Variants in GPAA1 observed in about 807,000 individuals in gnomAD.
The protein encoded by GPAA1 is GPI-anchor transamidase component GPAA1.
Under a neutral mutation model 64.0 loss-of-function variants are expected in GPAA1, and 54 were observed. The ratio of observed to expected loss-of-function variants is 0.84; its 90% CI spans 0.68 to 1.06. The LOEUF (loss-of-function observed/expected upper bound fraction) is 1.06. Among genes scored for constraint, GPAA1 ranks in the 50% least tolerant of loss-of-function variants. The pLI, the probability that GPAA1 is intolerant of heterozygous loss-of-function variation, is 0.00. For synonymous variants in GPAA1, 393 were observed against 377.3 expected, an observed-to-expected ratio of 1.04 and a Z score of -0.48; for missense variants, 780 against 822.3, an observed-to-expected ratio of 0.95 and a Z score of 0.63.
chr8:144,086,089 C>G lies in GPAA1; in HGVS notation c.1830C>G (p.Cys610Trp). 1 of 1,613,634 alleles carries G rather than the reference C, an allele frequency of 6.2e-7. No individual in the cohort carries two copies. The highest frequency in any genetic ancestry group is 1.1e-5 in the South Asian group (1 of 91,086). ...TGCTGTCCCTGGGCCTCTACCCCTG[C>G]TGGCTGCTTTTCTGGAATGTGCTCT... is the stretch of plus-strand genomic sequence containing the variant. Reference protein sequence around the residue: ...FPLLSLGLYPCWLLFWNVLFW... With the variant: ...FPLLSLGLYPWWLLFWNVLFW... Residue 610 changes from cysteine to tryptophan, a missense_variant, in exon 12 of 12, where the codon TGC becomes TGG. Physicochemically the swap from Cys to Trp is radical, Grantham distance 215. Coordinates refer to ENST00000355091, the MANE Select transcript of GPAA1 (RefSeq NM_003801.4).
In GPAA1 at chr8:144,084,622, TG is replaced by T. The variant is rs782079111; in HGVS notation, c.1010+15del. ...TGGCAGTGGGCAAGTAAGTAGTCTC[TG>T]GTCCCCCCTTTCCATGCCCAGGATG... On this transcript the variant is annotated intron_variant, in intron 7 of 11. Coordinates refer to ENST00000355091, the MANE Select transcript of GPAA1 (RefSeq NM_003801.4). 2.5e-6 allele frequency: 4 copies of T among 1,608,114 alleles called. No homozygotes were observed. Among genetic ancestry groups the T allele is most frequent in the Non-Finnish European group, 3.4e-6 (4 of 1,175,464 alleles).
chr8:144,083,323 G>A lies in GPAA1; in HGVS notation c.254+20G>A, dbSNP rs782658390. 6 of 1,610,356 alleles carry A rather than the reference G, an allele frequency of 3.7e-6. No individual in the cohort carries two copies. The highest frequency in any genetic ancestry group is 1.1e-5 in the South Asian group (1 of 90,960). ...GTCGGGGTGAGCGGCAGAGCAGGGC[G>A]TATGGGGCGAGCAGTGGTGGCTAAG... On this transcript the variant is annotated intron_variant, in intron 2 of 11. Coordinates refer to ENST00000355091, the MANE Select transcript of GPAA1 (RefSeq NM_003801.4).
chr8:144,085,321 G>A lies in GPAA1; in HGVS notation c.1293G>A (p.Leu431=), dbSNP rs781802187. ...GVGLASLVAP[L]LISQAMGLAL... is the part of the protein sequence containing the mutation. ...GGCTGGCCTCGCTCGTGGCACCTCT[G>A]CTGATCTCACAGGCCATGGGACTGG... Residue 431 remains leucine, a synonymous_variant, in exon 10 of 12, where the codon CTG becomes CTA. Transcript: ENST00000355091. The A allele has an allele frequency of 3.2e-5, 51 of 1,609,374 alleles. 2 individuals are homozygous for A. In the South Asian group the frequency reaches 4.2e-4, roughly 13 times the overall value.
rs369331503 is a variant in GPAA1, at chr8:144,086,048, G to A, written c.1789G>A (p.Ala597Thr). The A allele has an allele frequency of 2.6e-5, 42 of 1,612,956 alleles. No homozygotes were observed. The highest frequency in any genetic ancestry group is 4.5e-5 in the East Asian group (2 of 44,890). The change falls in exon 12 of 12, where the codon GCC (alanine) becomes ACC (threonine). Residue 597 changes from alanine (A) to threonine (T), a missense_variant. Ala to Thr is a moderately conservative substitution (Grantham distance 58, BLOSUM62 0). Coordinates refer to ENST00000355091, the MANE Select transcript of GPAA1 (RefSeq NM_003801.4). ...TGTGCTGGAGCACCACACCTACGGC[G>A]CCCTGCTCTTCCCACTGCTGTCCCT... ...QGVLEHHTYG[A>T]LLFPLLSLGL...
At position 144,084,843 on chromosome 8, in the gene GPAA1, G is replaced by C. The variant is rs1554764119; in HGVS notation, c.1132G>C (p.Val378Leu). The C allele has an allele frequency of 6.2e-7, 1 of 1,613,654 alleles. No individual in the cohort carries two copies. Among genetic ancestry groups the C allele is most frequent in the Non-Finnish European group, 8.5e-7 (1 of 1,180,030 alleles). The change falls in exon 8 of 12, where the codon GTC (valine) becomes CTC (leucine). Residue 378 changes from valine (V) to leucine (L), a missense_variant. Transcript: ENST00000355091. ...CTCCATCGGCCTCTACATGCCCGCT[G>C]TCGGCTTCTTGCTCCTGGTCCTTGG... Reference protein sequence around the residue: ...FVSIGLYMPAVGFLLLVLGLK... With the variant: ...FVSIGLYMPALGFLLLVLGLK...
In GPAA1 at chr8:144,083,151, C is replaced by T. The variant is rs1587591487; in HGVS notation, c.102C>T (p.Ala34=). 2 of 1,612,562 alleles carry T rather than the reference C, an allele frequency of 1.2e-6. No individual in the cohort carries two copies. Among genetic ancestry groups the T allele is most frequent in the East Asian group, 2.2e-5 (1 of 44,872 alleles). ...TGCTGAGCTACGTGGCGGGCATCGC[C>T]TGGTTCTTGGCGCTGGTTTTCCCGC... ...LCVLSYVAGI[A]WFLALVFPPL... is the part of the protein sequence containing the mutation. The change falls in exon 2 of 12, where the codon GCC becomes GCT. Residue 34 remains alanine (A), a synonymous_variant. Transcript: ENST00000355091.
At position 144,085,328 on chromosome 8, in the gene GPAA1, T is replaced by C; in HGVS notation, c.1300T>C (p.Ser434Pro). The C allele has an allele frequency of 1.2e-6, 2 of 1,609,988 alleles. No homozygotes were observed. The highest frequency in any genetic ancestry group is 1.7e-6 in the Non-Finnish European group (2 of 1,179,140). ...LASLVAPLLI[S>P]QAMGLALYVL... is the part of the protein sequence containing the mutation. ...CTCGCTCGTGGCACCTCTGCTGATCTCACAGGCCATGGGACTGGCCCTCTA... is the reference window on the plus strand; with the variant it reads ...CTCGCTCGTGGCACCTCTGCTGATCCCACAGGCCATGGGACTGGCCCTCTA... The change falls in exon 10 of 12, where the codon TCA becomes CCA. Residue 434 changes from serine (S) to proline (P), a missense_variant. Physicochemically the swap from Ser to Pro is moderately conservative, Grantham distance 74. Coordinates refer to ENST00000355091, the MANE Select transcript of GPAA1 (RefSeq NM_003801.4).
At chr8:144,083,069 G>A in intron 1 of GPAA1, 55 bp from the exon 2 acceptor site, 1 of 1,518,968 alleles carries the variant, frequency 6.6e-7, no homozygotes, top group East Asian at 2.3e-5. Flanking sequence ...TGTGGCCTCG[G>A]GTCGGCGTCT....
chr8:144,082,978 A>G, intron 1 of GPAA1, 146 bp from the exon 2 acceptor site: 2 of 898,902 alleles, frequency 2.2e-6, no homozygotes, highest in Admixed American at 2.8e-5. Context: ...GCCCAGGCTT[A>G]GGGCTCGGGT....
In GPAA1 at chr8:144,083,429, G is replaced by C. The variant is rs1554763830; in HGVS notation, c.295G>C (p.Val99Leu). ...VAWLERTMRSVGLEVYTQSFS... is the reference protein window; with the variant it reads ...VAWLERTMRSLGLEVYTQSFS... ...CTGGCTTGAACGGACGATGCGGTCAGTAGGGCTGGAGGTCTACACGCAGAG... is the reference window on the plus strand; with the variant it reads ...CTGGCTTGAACGGACGATGCGGTCACTAGGGCTGGAGGTCTACACGCAGAG... Residue 99 changes from valine to leucine, a missense_variant, in exon 3 of 12, where the codon GTA becomes CTA. Coordinates refer to ENST00000355091, the MANE Select transcript of GPAA1 (RefSeq NM_003801.4). 9 of 1,613,862 alleles carry C rather than the reference G, an allele frequency of 5.6e-6. No homozygotes were observed. Among genetic ancestry groups the C allele is most frequent in the Non-Finnish European group, 7.6e-6 (9 of 1,180,010 alleles).
intron 9 of GPAA1, 69 bp from the exon 10 acceptor site, chr8:144,085,219 TG>T: frequency 6.7e-7 from 1 of 1,481,722 alleles, no homozygotes; most frequent in Non-Finnish European, 9.2e-7. Flanking sequence ...CCTCAGCTGG[TG>T]GGATGGTGGT....
Position 144,084,340 on chromosome 8 carries a change from C to G in GPAA1, c.813+10C>G. ...CACGCTTCAGGGCAAGGTGGGGCTG[C>G]CTGCCTGCCTGAGGGCTGAAGGGCA... is the stretch of plus-strand genomic sequence containing the variant. On this transcript the variant is annotated intron_variant, in intron 6 of 11. Coordinates refer to ENST00000355091, the MANE Select transcript of GPAA1 (RefSeq NM_003801.4). 1 of 1,611,940 alleles carries G rather than the reference C, an allele frequency of 6.2e-7. No homozygotes were observed. The highest frequency in any genetic ancestry group is 1.7e-5 in the Admixed American group (1 of 60,014).
Position 144,084,800 on chromosome 8 carries a change from C to G in GPAA1, c.1089C>G (p.Pro363=). ...LHQSFFLYLL[P]GLSRFVSIGL... is the part of the protein sequence containing the mutation. Reference sequence around the variant, plus strand: ...AGTCCTTCTTCCTCTACTTGCTCCCCGGCCTCTCCCGCTTCGTCTCCATCG... The same window carrying G: ...AGTCCTTCTTCCTCTACTTGCTCCCGGGCCTCTCCCGCTTCGTCTCCATCG... Residue 363 remains proline (P), a synonymous_variant, in exon 8 of 12, where the codon CCC becomes CCG. Coordinates refer to ENST00000355091, the MANE Select transcript of GPAA1 (RefSeq NM_003801.4). The G allele has an allele frequency of 6.2e-7, 1 of 1,613,650 alleles. No individual in the cohort carries two copies. Among genetic ancestry groups the G allele is most frequent in the Non-Finnish European group, 8.5e-7 (1 of 1,179,926 alleles).
chr8:144,083,858 C>A lies in GPAA1; in HGVS notation c.511C>A (p.Arg171=), dbSNP rs1554763925. The A allele has an allele frequency of 3.1e-6, 5 of 1,613,018 alleles. No individual in the cohort carries two copies. Among genetic ancestry groups the A allele is most frequent in the Middle Eastern group, 1.6e-4 (1 of 6,062 alleles). The change falls in exon 4 of 12, where the codon CGG becomes AGG. Residue 171 remains arginine, a synonymous_variant. Coordinates refer to ENST00000355091, the MANE Select transcript of GPAA1 (RefSeq NM_003801.4). ...GCTGCTGGCACTGGCTGCCCACTTC[C>A]GGGGTGAGTCTCAGGGCTGCTGGCC... is the stretch of plus-strand genomic sequence containing the variant. The part of the protein sequence containing the change: ...GLLLALAAHF[R]GQIYWAKDIV...
Position 144,085,598 on chromosome 8 carries a change from A to G in GPAA1, c.1477A>G (p.Arg493Gly), listed in dbSNP as rs73379193. The stretch of plus-strand genomic sequence containing the variant: ...GGTGGTAAGCACACAGGCCCCAGAC[A>G]GGGGCTGGATGGCACTGAAGCTGGT... ...HRVVSTQAPD[R>G]GWMALKLVAL... is the part of the protein sequence containing the mutation. The change falls in exon 11 of 12, where the codon AGG becomes GGG. Residue 493 changes from arginine (R) to glycine (G), a missense_variant. By Grantham distance (125) the Arg-to-Gly change is moderately radical. Transcript: ENST00000355091. 1,264 of 1,613,522 alleles carry G rather than the reference A, an allele frequency of 7.8e-4. 5 individuals carry two copies. The African/African-American group carries it at 0.015, about 19-fold the overall frequency.
At position 144,084,797 on chromosome 8, in the gene GPAA1, C is replaced by G; in HGVS notation, c.1086C>G (p.Leu362=). 6.2e-7 allele frequency: 1 copy of G among 1,613,734 alleles called. No individual in the cohort carries two copies. The highest frequency in any genetic ancestry group is 2.2e-5 in the East Asian group (1 of 44,890). The change falls in exon 8 of 12, where the codon CTC becomes CTG. Residue 362 remains leucine (L), a synonymous_variant. Transcript: ENST00000355091. Reference sequence around the variant, plus strand: ...ACCAGTCCTTCTTCCTCTACTTGCTCCCCGGCCTCTCCCGCTTCGTCTCCA... The same window carrying G: ...ACCAGTCCTTCTTCCTCTACTTGCTGCCCGGCCTCTCCCGCTTCGTCTCCA... ...RLHQSFFLYL[L]PGLSRFVSIG...
In GPAA1 at chr8:144,085,032, G is replaced by T; in HGVS notation, c.1165-11G>T. On this transcript the variant is annotated splice_polypyrimidine_tract_variant and intron_variant, in intron 8 of 11. Transcript: ENST00000355091. ...CGTTACACCTCTTGTTGGGGTCCTT[G>T]ATTGGGCTACGCTCTGGAACTGTGG... 1 of 1,601,674 alleles carries T rather than the reference G, an allele frequency of 6.2e-7. No homozygotes were observed. Among genetic ancestry groups the T allele is most frequent in the Non-Finnish European group, 8.5e-7 (1 of 1,173,728 alleles).
At chr8:144,084,630 C>T (rs895222203) in intron 7 of GPAA1, 21 bp downstream of exon 7, 6 of 1,606,998 alleles carry the variant, frequency 3.7e-6, no homozygotes, top group South Asian at 1.1e-5. Context: ...TCTGGTCCCC[C>T]CTTTCCATGC....
Position 144,085,560 on chromosome 8 carries a change from C to G in GPAA1, c.1452-13C>G, listed in dbSNP as rs1554764254. The G allele has an allele frequency of 1.9e-6, 3 of 1,611,356 alleles. No individual in the cohort carries two copies. The Admixed American group carries it at 5.0e-5, about 27-fold the overall frequency. On this transcript the variant is annotated splice_polypyrimidine_tract_variant and intron_variant, in intron 10 of 11. Transcript: ENST00000355091. ...ACAGCTTGTGGGTTGCCTCTGAGTC[C>G]TTTGTCTTACAGGGTGGTAAGCACA...
Sources: allele counts gnomAD v4.1 joint callset, GRCh38; gene constraint gnomAD v4.1.1; transcripts MANE v1.5; gene names NCBI Gene and HGNC (gene_info 2026-07-23, HGNC 2026-07-21).